The following ANO3 variants were observed in gnomAD, a reference collection of about 807,000 sequenced individuals.
ANO3 encodes the protein anoctamin 3, also known as anoctamin-3.
Under a neutral mutation model 144.8 loss-of-function variants are expected in ANO3, and 99 were observed. The observed-to-expected ratio is 0.68, with a 90% CI of 0.58 to 0.81. ANO3 has a LOEUF of 0.81. Among genes scored for constraint, ANO3 ranks in the 30% least tolerant of loss-of-function variants. The pLI is 0.00. For synonymous variants in ANO3, 414 were observed against 392.6 expected (o/e 1.05, Z -0.64); for missense variants, 905 against 1,202.2 (o/e 0.75, Z 3.66).
chr11:26,386,554 G>A (rs371634492), intron 1 of ANO3, among the ~76,000 whole-genome samples: 6 of 152,092 alleles, frequency 3.9e-5, no homozygotes, highest in African/African-American at 1.4e-4. Flanking sequence ...ATGTATATTC[G>A]CATCACCATG....
chr11:26,260,257 T>C (rs2133826772), intron 1 of ANO3, among the ~76,000 whole-genome samples: 1 of 152,238 alleles, frequency 6.6e-6, no homozygotes, highest in African/African-American at 2.4e-5. Flanking sequence ...AAGACTTCTT[T>C]TCCCAACAGA....
intron 1 of ANO3, among the ~76,000 whole-genome samples, chr11:26,283,321 A>AAAATATATATATAT (rs1853722543): frequency 2.0e-5 from 1 of 49,136 alleles, no homozygotes; most frequent in Non-Finnish European, 4.0e-5. Context: ...CAAATAAATA[A>AAAATATATATATAT]ATATATATAT....
intron 1 of ANO3, among the ~76,000 whole-genome samples, chr11:26,231,041 G>A (rs4323819): frequency 0.31 from 46,150 of 151,218 alleles, 7,699 homozygotes; most frequent in Non-Finnish European, 0.37. Flanking sequence ...ACCATGTCCA[G>A]CTAATTTTTG....
chr11:26,410,135 A>G (rs1290359267), intron 1 of ANO3, among the ~76,000 whole-genome samples: 1 of 151,980 alleles, frequency 6.6e-6, no homozygotes, highest in Non-Finnish European at 1.5e-5. Flanking sequence ...CTCGATAAGT[A>G]TGCATTCAGT....
chr11:26,441,129 T>G (rs1482190823), intron 1 of ANO3, among the ~76,000 whole-genome samples: 17 of 129,584 alleles, frequency 1.3e-4, no homozygotes, highest in African/African-American at 4.5e-4. Context: ...TTTTTTTTTT[T>G]TTTTTTGAGA....
chr11:26,514,173 A>T (rs11601945), intron 5 of ANO3, among the ~76,000 whole-genome samples: 1 of 152,028 alleles, frequency 6.6e-6, no homozygotes, highest in Non-Finnish European at 1.5e-5. Context: ...ACTGTACTTC[A>T]GAGTTCTTCC....
chr11:26,615,440 G>A (rs978397994), intron 17 of ANO3, among the ~76,000 whole-genome samples: 3 of 138,140 alleles, frequency 2.2e-5, no homozygotes, highest in Admixed American at 7.1e-5. Flanking sequence ...TTCCTCAATG[G>A]TGTCTTCACA....
intron 13 of ANO3, among the ~76,000 whole-genome samples, chr11:26,555,461 A>G (rs1010048399): frequency 6.6e-6 from 1 of 152,186 alleles, no homozygotes; most frequent in African/African-American, 2.4e-5. Flanking sequence ...CCAAGGAAAC[A>G]CTACATCTAG....
chr11:26,493,400 T>C (rs1258860082), intron 4 of ANO3, among the ~76,000 whole-genome samples: 1 of 152,142 alleles, frequency 6.6e-6, no homozygotes, highest in East Asian at 1.9e-4. Flanking sequence ...CCAGGGCCAA[T>C]ATTGGCTAAA....
chr11:26,328,153 T>C (rs1203209833), upstream of ANO3, among the ~76,000 whole-genome samples: 1 of 152,194 alleles, frequency 6.6e-6, no homozygotes, highest in East Asian at 1.9e-4. Flanking sequence ...GACACACCCA[T>C]CAGTAGTACT....
At chr11:26,384,601 A>G (rs1856675286) in intron 1 of ANO3, among the ~76,000 whole-genome samples, 1 of 152,102 alleles carries the variant, frequency 6.6e-6, no homozygotes, top group Non-Finnish European at 1.5e-5. Context: ...TCTAAACCTC[A>G]TTCATCACCT....
At chr11:26,629,326 T>C (rs554530039) in intron 18 of ANO3, among the ~76,000 whole-genome samples, 10 of 152,312 alleles carry the variant, frequency 6.6e-5, no homozygotes, top group African/African-American at 2.4e-4. Context: ...TGTTGACTTC[T>C]CAGTCCTTCA....
intron 1 of ANO3, among the ~76,000 whole-genome samples, chr11:26,359,081 A>G (rs537225672): frequency 6.6e-6 from 1 of 152,296 alleles, no homozygotes; most frequent in Non-Finnish European, 1.5e-5. Flanking sequence ...TTAGATTTCA[A>G]ATTTTTCTGG....
rs747384855 is a variant in ANO3 at position 26,463,159 on chromosome 11, C to A, written c.432+11C>A. On this transcript the variant is annotated intron_variant, in intron 4 of 26. Coordinates refer to ENST00000256737, the MANE Select transcript of ANO3 (RefSeq NM_031418.4). ...ACAAAATTATCTAAGGTAATGAGAA[C>A]TAAATTATCAATAAGTCATTTTTAG... 1.2e-5 allele frequency: 16 copies of A among 1,351,154 alleles called. No individual in the cohort carries two copies. The highest frequency in any genetic ancestry group is 2.3e-5 in the East Asian group (1 of 42,782). The allele number at this position is 1,351,154 out of a possible 1,614,324, so 83.7% of individuals were successfully genotyped here.
At chr11:26,331,588 TA>T (rs1309750882), upstream of ANO3, 2 of 152,240 alleles carry the variant, frequency 1.3e-5, no homozygotes, top group South Asian at 4.1e-4. Flanking sequence ...TGTGACTAAG[TA>T]GGTTATAAAT....
At chr11:26,468,234 C>T (rs1004980140) in intron 4 of ANO3, among the ~76,000 whole-genome samples, 2 of 152,058 alleles carry the variant, frequency 1.3e-5, no homozygotes, top group Non-Finnish European at 1.5e-5. Flanking sequence ...AGCTCAGCTG[C>T]GTAGCTCTTT....
chr11:26,308,438 T>G (rs527624153), upstream of ANO3, among the ~76,000 whole-genome samples: 2 of 152,326 alleles, frequency 1.3e-5, no homozygotes, highest in African/African-American at 4.8e-5. Context: ...ATAAATGAAG[T>G]AGACTGCACA....
chr11:26,574,228 G>T (rs560692002), intron 14 of ANO3, among the ~76,000 whole-genome samples: 1 of 152,274 alleles, frequency 6.6e-6, no homozygotes, highest in Non-Finnish European at 1.5e-5. Flanking sequence ...CCTCTTCCTA[G>T]TCTGCAATGA....
intron 1 of ANO3, among the ~76,000 whole-genome samples, chr11:26,323,133 G>A (rs1479772975): frequency 2.6e-5 from 4 of 151,514 alleles, no homozygotes; most frequent in Non-Finnish European, 5.9e-5. Flanking sequence ...TACTTTCTGG[G>A]ACTTCAAGAT....
Sources: allele counts gnomAD v4.1 joint callset (sites outside exome capture counted in the v4.1 genomes callset), GRCh38; gene constraint gnomAD v4.1.1; transcripts MANE v1.5; gene names NCBI Gene and HGNC (gene_info 2026-07-23, HGNC 2026-07-21).